The following IPO11 variants were observed in gnomAD, a reference collection of about 807,000 sequenced individuals.
IPO11 encodes the protein importin-11.
A neutral mutation model predicts 143.2 loss-of-function variants in IPO11; 66 were observed. That is an observed-to-expected ratio of 0.46 (90% CI 0.38 to 0.57). The LOEUF (loss-of-function observed/expected upper bound fraction) is 0.57, where lower values mean the gene tolerates loss of function less well. Among genes scored for constraint, IPO11 ranks in the 20% least tolerant of loss-of-function variants. The pLI, the probability that IPO11 is intolerant of heterozygous loss-of-function variation, is 0.00. For synonymous variants in IPO11, 385 were observed against 377.8 expected, an observed-to-expected ratio of 1.02 and a Z score of -0.22; for missense variants, 1,026 against 1,141.0, an observed-to-expected ratio of 0.90 and a Z score of 1.45.
At chr5:62,424,572 C>G (rs971119436) in intron 1 of IPO11, among the ~76,000 whole-genome samples, 4 of 151,680 alleles carry the variant, frequency 2.6e-5, no homozygotes, top group African/African-American at 9.7e-5. Context: ...CATGCCACCA[C>G]ACCTGGCTAA....
At chr5:62,471,422 G>C (rs1336390168) in intron 7 of IPO11, among the ~76,000 whole-genome samples, 1 of 152,040 alleles carries the variant, frequency 6.6e-6, no homozygotes, top group East Asian at 1.9e-4. Context: ...ATCATAATGT[G>C]ATGGTTATTT....
At chr5:62,547,564 GA>G (rs1170887854) in intron 24 of IPO11, among the ~76,000 whole-genome samples, 1 of 152,036 alleles carries the variant, frequency 6.6e-6, no homozygotes, top group Non-Finnish European at 1.5e-5. Context: ...TTTTCTTTCA[GA>G]AACTCTCATC....
rs1014393316 is a variant in IPO11 at position 62,490,812 on chromosome 5, G to C, written c.1463+592G>C. Among the ~76,000 whole-genome samples the C allele has an allele frequency of 2.6e-5, 4 of 152,074 alleles. No individual in the cohort carries two copies. In the South Asian group the frequency reaches 8.3e-4, roughly 32 times the overall value. ...ATTTTGTCACCCAGCCTGGAGTGCA[G>C]TGGTGCAATCTCAGCTCACTGCAAC... On this transcript the variant is annotated intron_variant, in intron 15 of 29. Transcript: ENST00000325324.
chr5:62,488,463 G>T (rs1049072365), intron 13 of IPO11, among the ~76,000 whole-genome samples: 3 of 152,166 alleles, frequency 2.0e-5, no homozygotes, highest in Admixed American at 6.5e-5. Flanking sequence ...AATGTGCTAG[G>T]CAAGGAAAAG....
chr5:62,427,876 G>T (rs1743817222), intron 1 of IPO11, among the ~76,000 whole-genome samples: 1 of 152,234 alleles, frequency 6.6e-6, no homozygotes, highest in African/African-American at 2.4e-5. Flanking sequence ...TTAGCTGAAG[G>T]TATTTGGGAA....
intron 4 of IPO11, among the ~76,000 whole-genome samples, chr5:62,451,276 G>C (rs1317757260): frequency 6.6e-6 from 1 of 152,142 alleles, no homozygotes; most frequent in Admixed American, 6.6e-5. Context: ...AATTAAAACT[G>C]AGAAACTTAA....
chr5:62,437,522 A>T, intron 2 of IPO11, 105 bp downstream of exon 2: 1 of 875,542 alleles, frequency 1.1e-6, no homozygotes, highest in Non-Finnish European at 1.7e-6. Context: ...ATAGATTCAG[A>T]TGTTTGGCTG....
At chr5:62,538,360 C>T (rs1742808988) in intron 24 of IPO11, among the ~76,000 whole-genome samples, 1 of 152,128 alleles carries the variant, frequency 6.6e-6, no homozygotes, top group Non-Finnish European at 1.5e-5. Flanking sequence ...GTGTCCCCAC[C>T]CAAATCACCC....
chr5:62,627,063 T>G, intron 29 of IPO11, 91 bp from the exon 30 acceptor site: 1 of 1,148,326 alleles, frequency 8.7e-7, no homozygotes, highest in Non-Finnish European at 1.2e-6. Context: ...TTTGTTACTG[T>G]AGAAGAGATT....
chr5:62,520,835 G>A (rs995406646), intron 20 of IPO11, among the ~76,000 whole-genome samples: 4 of 152,214 alleles, frequency 2.6e-5, no homozygotes, highest in Admixed American at 2.0e-4. Context: ...TGTCTTTATA[G>A]CAGCATGATT....
At chr5:62,492,685 G>A (rs952587659) in intron 15 of IPO11, among the ~76,000 whole-genome samples, 1 of 152,026 alleles carries the variant, frequency 6.6e-6, no homozygotes, top group Non-Finnish European at 1.5e-5. Flanking sequence ...CTGGGACCAC[G>A]ATGTGTGCCA....
chr5:62,425,882 T>C (rs1561304591), intron 1 of IPO11, among the ~76,000 whole-genome samples: 1 of 152,198 alleles, frequency 6.6e-6, no homozygotes, highest in East Asian at 1.9e-4. Flanking sequence ...TCCAAGACTG[T>C]TTAAGTATTT....
chr5:62,494,134 T>C lies in IPO11; in HGVS notation c.1590+10T>C. On this transcript the variant is annotated intron_variant, in intron 16 of 29. Transcript: ENST00000325324. The stretch of plus-strand genomic sequence containing the variant: ...AGATCAAGATTTAGTGGTATGTTTC[T>C]TAAGTGCCTTAAAAGAGTTAGTTTT... The C allele has an allele frequency of 6.2e-7, 1 of 1,605,610 alleles. No individual in the cohort carries two copies. The highest frequency in any genetic ancestry group is 8.5e-7 in the Non-Finnish European group (1 of 1,175,974).
chr5:62,444,286 G>T (rs1744629505), intron 3 of IPO11, among the ~76,000 whole-genome samples: 1 of 151,766 alleles, frequency 6.6e-6, no homozygotes, highest in South Asian at 2.1e-4. Context: ...TAGAGCCAGG[G>T]TTTCACTGTG....
intron 27 of IPO11, among the ~76,000 whole-genome samples, chr5:62,575,662 A>C (rs1170640637): frequency 6.6e-6 from 1 of 152,166 alleles, no homozygotes; most frequent in African/African-American, 2.4e-5. Context: ...TCTCGTTAGA[A>C]TATTGCATAA....
At chr5:62,494,708 A>C (rs1741072276) in intron 16 of IPO11, among the ~76,000 whole-genome samples, 1 of 152,154 alleles carries the variant, frequency 6.6e-6, no homozygotes, top group Non-Finnish European at 1.5e-5. Flanking sequence ...GATTTTAAGA[A>C]GTTTAAATTG....
chr5:62,472,790 A>G (rs1157708107), intron 7 of IPO11, among the ~76,000 whole-genome samples: 1 of 152,126 alleles, frequency 6.6e-6, no homozygotes, highest in East Asian at 1.9e-4. Context: ...CGGCCTCCCA[A>G]AGTTCTGGGA....
intron 13 of IPO11, 30 bp from the exon 14 acceptor site, chr5:62,489,272 C>G: frequency 7.7e-7 from 1 of 1,305,894 alleles, no homozygotes; most frequent in Non-Finnish European, 1.0e-6. Flanking sequence ...TTTGCTTTTA[C>G]TGATACCTAT....
intron 19 of IPO11, among the ~76,000 whole-genome samples, chr5:62,510,701 C>T (rs1741716364): frequency 6.6e-6 from 1 of 152,046 alleles, no homozygotes; most frequent in Non-Finnish European, 1.5e-5. Context: ...TTTTCTCCTT[C>T]CTTTTATATC....
Sources: gnomAD v4.1 joint callset for allele counts (sites outside exome capture counted in the v4.1 genomes callset) on GRCh38, gnomAD v4.1.1 for gene constraint, MANE v1.5 for transcripts, NCBI Gene and HGNC (gene_info 2026-07-23, HGNC 2026-07-21) for gene names.